The following ACACA variants were observed in gnomAD, a reference collection of about 807,000 sequenced individuals.
ACACA encodes acetyl-CoA carboxylase 1.
Under a neutral mutation model 296.1 loss-of-function variants are expected in ACACA, and 103 were observed. The observed-to-expected ratio is 0.35, with a 90% CI of 0.30 to 0.41. The LOEUF (loss-of-function observed/expected upper bound fraction) is 0.41. Ranked by LOEUF, ACACA falls within the 10% of genes least tolerant of loss-of-function variation. The probability of loss-of-function intolerance (pLI) is 1.00; values close to 1 mark genes in which losing one functional copy is unlikely to be tolerated. For synonymous variants in ACACA, 953 were observed against 1,038.6 expected (o/e 0.92, Z 1.58); for missense variants, 1,554 against 2,989.7 (o/e 0.52, Z 11.20).
chr17:37,228,907 G>A (rs1163463364), intron 25 of ACACA, among the ~76,000 whole-genome samples: 1 of 152,172 alleles, frequency 6.6e-6, no homozygotes, highest in Admixed American at 6.5e-5. Context: ...ACTTTGGGAG[G>A]CCGAGGAGGG....
intron 10 of ACACA, 64 bp downstream of exon 10, chr17:37,270,687 A>T: frequency 8.2e-7 from 1 of 1,215,774 alleles, no homozygotes. Flanking sequence ...TTATAGTATG[A>T]GTTAAATCAT....
Position 37,086,099 on chromosome 17 carries a change from G to GTAAA in ACACA, c.*1213_*1216dup. 3.2e-6 allele frequency: 1 copy of GTAAA among 309,584 alleles called. No individual in the cohort carries two copies. The highest frequency in any genetic ancestry group is 9.0e-4 in the Middle Eastern group (1 of 1,116). 19.2% of individuals were successfully genotyped at this position (309,584 alleles called of 1,614,324 possible). A position where few individuals can be genotyped will look rare whatever the true frequency, so the allele number is the denominator to read the frequency against. Reference sequence around the variant, plus strand: ...AGGACAGCAGCACCATGACTGAGTTGTAAATAATCTTAAGGTCATGTGGAT... The same window carrying GTAAA: ...AGGACAGCAGCACCATGACTGAGTTGTAAATAAATAATCTTAAGGTCATGTGGAT... On this transcript the variant is annotated 3_prime_UTR_variant, in exon 56 of 56. Transcript: ENST00000616317.
intron 37 of ACACA, among the ~76,000 whole-genome samples, 168 bp downstream of exon 37, chr17:37,191,922 T>A (rs1048720899): frequency 2.0e-5 from 3 of 152,200 alleles, no homozygotes; most frequent in African/African-American, 7.2e-5. Context: ...TATGAAATAT[T>A]TACTTTTGTA....
Position 37,124,924 on chromosome 17 carries a change from T to G in ACACA, c.6041+774A>C, listed in dbSNP as rs1451182391. 4.6e-5 allele frequency among the ~76,000 whole-genome samples: 7 copies of G among 152,314 alleles called. No individual in the cohort carries two copies. In the East Asian group the frequency reaches 1.4e-3, roughly 29 times the overall value. ...GGCATGTTTGAGAATCTTGAGCAGGTGCCACTTTTCACCAAGATAAGGAAA... is the reference window on the plus strand; with the variant it reads ...GGCATGTTTGAGAATCTTGAGCAGGGGCCACTTTTCACCAAGATAAGGAAA... On this transcript the variant is annotated intron_variant, in intron 48 of 55. Coordinates refer to ENST00000616317, the MANE Select transcript of ACACA (RefSeq NM_198834.3).
chr17:37,185,184 A>T (rs1331718347), intron 39 of ACACA, among the ~76,000 whole-genome samples: 1 of 152,214 alleles, frequency 6.6e-6, no homozygotes, highest in Middle Eastern at 3.2e-3. Flanking sequence ...TGAACTGCAC[A>T]CACAAAACGA....
chr17:37,400,904 A>G lies in ACACA; in HGVS notation c.38+5358T>C, dbSNP rs373415340. On this transcript the variant is annotated intron_variant, in intron 1 of 55. Coordinates refer to ENST00000616317, the MANE Select transcript of ACACA (RefSeq NM_198834.3). Reference sequence around the variant, plus strand: ...TGCAGATATCATTTCCTTTGGATATATACCCAGAAGTGGATTATTGGATCA... The same window carrying G: ...TGCAGATATCATTTCCTTTGGATATGTACCCAGAAGTGGATTATTGGATCA... Among the ~76,000 whole-genome samples the G allele has an allele frequency of 6.6e-5, 10 of 152,340 alleles. No homozygotes were observed. In the South Asian group the frequency reaches 1.9e-3, roughly 28 times the overall value.
intron 4 of ACACA, among the ~76,000 whole-genome samples, chr17:37,284,571 T>G (rs2082686247): frequency 6.6e-6 from 1 of 152,178 alleles, no homozygotes; most frequent in East Asian, 1.9e-4. Context: ...GCCCCCCAAG[T>G]TGCTGGGACT....
intron 1 of ACACA, 99 bp downstream of exon 1, chr17:37,406,162 TA>T: frequency 7.3e-7 from 1 of 1,366,244 alleles, no homozygotes; most frequent in Non-Finnish European, 1.0e-6. Context: ...ACCGTATGTG[TA>T]ACCTGCTTTG....
intron 1 of ACACA, among the ~76,000 whole-genome samples, chr17:37,386,675 G>A (rs1375533871): frequency 6.6e-6 from 1 of 152,056 alleles, no homozygotes; most frequent in Non-Finnish European, 1.5e-5. Flanking sequence ...TTATCTCCAC[G>A]CAAATGAGCT....
At chr17:37,184,383 A>G (rs1297605652) in intron 39 of ACACA, among the ~76,000 whole-genome samples, 4 of 152,180 alleles carry the variant, frequency 2.6e-5, no homozygotes, top group Admixed American at 2.0e-4. Flanking sequence ...CAGTGTCAAG[A>G]TATTGCCTGC....
intron 43 of ACACA, among the ~76,000 whole-genome samples, chr17:37,152,117 G>T (rs1370880320): frequency 6.6e-6 from 1 of 152,128 alleles, no homozygotes; most frequent in African/African-American, 2.4e-5. Flanking sequence ...TTAAATCCTT[G>T]CTCTGATACA....
At chr17:37,124,774 G>A (rs1021488483) in intron 48 of ACACA, among the ~76,000 whole-genome samples, 1 of 152,234 alleles carries the variant, frequency 6.6e-6, no homozygotes, top group African/African-American at 2.4e-5. Context: ...GACCCTGTCT[G>A]TGGGATTTGC....
At chr17:37,393,952 T>C (rs2050986230) in intron 1 of ACACA, among the ~76,000 whole-genome samples, 1 of 152,230 alleles carries the variant, frequency 6.6e-6, no homozygotes, top group South Asian at 2.1e-4. Flanking sequence ...CTGAGGATTT[T>C]CTGACTCCCT....
chr17:37,105,613 C>T (rs933688494), intron 52 of ACACA, among the ~76,000 whole-genome samples: 6 of 152,060 alleles, frequency 3.9e-5, no homozygotes, highest in African/African-American at 1.4e-4. Flanking sequence ...GCCTGTAATC[C>T]CAACACTTTA....
Position 37,374,436 on chromosome 17 carries a change from G to A in ACACA, c.38+31826C>T, listed in dbSNP as rs372376057. On this transcript the variant is annotated intron_variant, in intron 1 of 55. Transcript: ENST00000616317. ...CAAGTAGCTGGGATTACAAACATGC[G>A]CCACCATGCCCAGCTAATTTTTGTA... is the stretch of plus-strand genomic sequence containing the variant. Among the ~76,000 whole-genome samples, 153 of 151,958 alleles carry A rather than the reference G, an allele frequency of 1.0e-3. 1 individual carries two copies. In the Middle Eastern group the frequency reaches 0.017, roughly 17 times the overall value.
chr17:37,122,130 C>CA (rs956428907), intron 49 of ACACA, among the ~76,000 whole-genome samples: 2 of 151,562 alleles, frequency 1.3e-5, no homozygotes, highest in Admixed American at 6.6e-5. Flanking sequence ...AACCATGTCT[C>CA]AAAAAAAAGG....
intron 42 of ACACA, among the ~76,000 whole-genome samples, chr17:37,156,018 G>A (rs1399609781): frequency 7.0e-6 from 1 of 142,472 alleles, no homozygotes; most frequent in Admixed American, 6.9e-5. Context: ...GCAATTCCAA[G>A]TATATTCCCT....
chr17:37,176,675 T>C, intron 41 of ACACA, among the ~76,000 whole-genome samples: 1 of 152,208 alleles, frequency 6.6e-6, no homozygotes, highest in East Asian at 1.9e-4. Context: ...TGACACTTTG[T>C]CATCTCTTAG....
intron 52 of ACACA, among the ~76,000 whole-genome samples, chr17:37,109,878 C>T (rs1188588042): frequency 1.3e-5 from 2 of 152,062 alleles, no homozygotes; most frequent in African/African-American, 4.8e-5. Context: ...GGCAGTGAAC[C>T]CCCAGTTAAT....
Sources: allele counts gnomAD v4.1 joint callset (sites outside exome capture counted in the v4.1 genomes callset), GRCh38; gene constraint gnomAD v4.1.1; transcripts MANE v1.5; gene names NCBI Gene and HGNC (gene_info 2026-07-23, HGNC 2026-07-21).